Variants in USP38 observed in about 807,000 individuals in gnomAD.
USP38 encodes ubiquitin carboxyl-terminal hydrolase 38.
A neutral mutation model predicts 94.3 loss-of-function variants in USP38; 49 were observed. The observed-to-expected ratio is 0.52, with a 90% CI of 0.41 to 0.66. USP38 has a LOEUF of 0.66. Among genes scored for constraint, USP38 ranks in the 30% least tolerant of loss-of-function variants. The pLI is 0.00. For synonymous variants in USP38, 468 were observed against 463.6 expected (o/e 1.01, Z -0.12); for missense variants, 1,128 against 1,229.4 (o/e 0.92, Z 1.23).
chr4:143,202,845 G>A (rs528622526), intron 4 of USP38, among the ~76,000 whole-genome samples: 1 of 151,932 alleles, frequency 6.6e-6, no homozygotes, highest in Non-Finnish European at 1.5e-5. Flanking sequence ...GGATTTGTTA[G>A]TAAGAATAGC....
At position 143,220,334 on chromosome 4, in the gene USP38, G is replaced by GCAT; in HGVS notation, c.3009_3011dup (p.Ser1004dup). On this transcript the variant is annotated inframe_insertion, in exon 10 of 10. Coordinates refer to ENST00000307017, the MANE Select transcript of USP38 (RefSeq NM_032557.6). ...TGCTCGAGCCCGGGCCCTCCAAGCT[G>GCAT]CATCTGCTTCATGTTCATTTCGGCC... is the stretch of plus-strand genomic sequence containing the variant. 6.2e-7 allele frequency: 1 copy of GCAT among 1,613,090 alleles called. No individual in the cohort carries two copies.
chr4:143,201,013 C>G (rs1287510669), intron 4 of USP38, among the ~76,000 whole-genome samples: 1 of 152,022 alleles, frequency 6.6e-6, no homozygotes, highest in East Asian at 1.9e-4. Flanking sequence ...CTTCACAGAA[C>G]TAAAAAAACA....
intron 4 of USP38, among the ~76,000 whole-genome samples, chr4:143,199,420 A>G (rs1731645995): frequency 6.6e-6 from 1 of 152,086 alleles, no homozygotes; most frequent in African/African-American, 2.4e-5. Flanking sequence ...TTTCTTTGCT[A>G]TTGTGAATAA....
chr4:143,189,741 TTATGTA>T (rs1731341043), intron 2 of USP38, among the ~76,000 whole-genome samples: 1 of 152,050 alleles, frequency 6.6e-6, no homozygotes, highest in South Asian at 2.1e-4. Flanking sequence ...GAGAAAACTC[TTATGTA>T]AATGTTTTTC....
chr4:143,195,789 G>T lies in USP38; in HGVS notation c.892G>T (p.Ala298Ser). ...TWVIALLKGL[A>S]AVQKFTILID... ...GGTAATTGCACTCCTGAAAGGACTG[G>T]CAGCTGTCCAGAAGTTTACTATTTT... The change falls in exon 3 of 10, where the codon GCA (alanine) becomes TCA (serine). Residue 298 changes from alanine (A) to serine (S), a missense_variant. Coordinates refer to ENST00000307017, the MANE Select transcript of USP38 (RefSeq NM_032557.6). The T allele has an allele frequency of 6.2e-7, 1 of 1,613,696 alleles. No individual in the cohort carries two copies. The highest frequency in any genetic ancestry group is 8.5e-7 in the Non-Finnish European group (1 of 1,179,806).
chr4:143,202,496 A>G (rs374208490), intron 4 of USP38, among the ~76,000 whole-genome samples: 2 of 152,126 alleles, frequency 1.3e-5, no homozygotes, highest in Non-Finnish European at 2.9e-5. Flanking sequence ...ACCTTTTACC[A>G]TAAGAAGTGT....
At chr4:143,210,688 A>G (rs986349981) in intron 7 of USP38, among the ~76,000 whole-genome samples, 1 of 151,636 alleles carries the variant, frequency 6.6e-6, no homozygotes, top group African/African-American at 2.4e-5. Flanking sequence ...ATATATTATT[A>G]TTTTTCTGGT....
chr4:143,186,570 G>A (rs766379733), intron 1 of USP38, among the ~76,000 whole-genome samples: 12 of 151,930 alleles, frequency 7.9e-5, no homozygotes, highest in Non-Finnish European at 1.5e-4. Context: ...TTGAATTAAT[G>A]GATTGTGCAG....
At position 143,214,857 on chromosome 4, in the gene USP38, A is replaced by C; in HGVS notation, c.2881A>C (p.Thr961Pro). The C allele has an allele frequency of 6.2e-7, 1 of 1,613,658 alleles. No homozygotes were observed. Among genetic ancestry groups the C allele is most frequent in the Non-Finnish European group, 8.5e-7 (1 of 1,179,710 alleles). Residue 961 changes from threonine to proline, a missense_variant, in exon 9 of 10, where the codon ACC becomes CCC. Transcript: ENST00000307017. ...TAATGGTTTAAGTGGTAATAACCCA[A>C]CCAGTGGACTCTGGATAAATGGAGA... is the stretch of plus-strand genomic sequence containing the variant. ...STNGLSGNNP[T>P]SGLWINGDPP...
chr4:143,199,991 T>G (rs1469975341), intron 4 of USP38, among the ~76,000 whole-genome samples: 2 of 152,234 alleles, frequency 1.3e-5, no homozygotes, highest in African/African-American at 4.8e-5. Context: ...TAGATCCCGT[T>G]TGTCAATTTT....
chr4:143,188,315 A>G (rs1241668473), intron 2 of USP38, among the ~76,000 whole-genome samples: 1 of 151,746 alleles, frequency 6.6e-6, no homozygotes, highest in Non-Finnish European at 1.5e-5. Flanking sequence ...CTTAGTAAGT[A>G]TATACTTTAC....
In USP38 at chr4:143,205,139, T is replaced by G. The variant is rs117986662; in HGVS notation, c.1210-894T>G. On this transcript the variant is annotated intron_variant, in intron 5 of 9. Coordinates refer to ENST00000307017, the MANE Select transcript of USP38 (RefSeq NM_032557.6). ...GCACTTGTTAATTGATTGCCATTGTTTAGTTCATCAGAGTTTTTCATGTTG... is the reference window on the plus strand; with the variant it reads ...GCACTTGTTAATTGATTGCCATTGTGTAGTTCATCAGAGTTTTTCATGTTG... Among the ~76,000 whole-genome samples the G allele has an allele frequency of 2.1e-4, 32 of 152,354 alleles. No individual in the cohort carries two copies. The East Asian group carries it at 5.6e-3, about 27-fold the overall frequency.
In USP38 at chr4:143,203,468, A is replaced by T. The variant is rs1731773101; in HGVS notation, c.1111A>T (p.Thr371Ser). 9 of 1,613,238 alleles carry T rather than the reference A, an allele frequency of 5.6e-6. No homozygotes were observed. The highest frequency in any genetic ancestry group is 7.6e-6 in the Non-Finnish European group (9 of 1,179,588). Residue 371 changes from threonine (T) to serine (S), a missense_variant, in exon 5 of 10, where the codon ACA (threonine) becomes TCA (serine). Thr to Ser is a moderately conservative substitution (Grantham distance 58, BLOSUM62 1). Transcript: ENST00000307017. ...CAAAAATGATGGTCTGCCTTCAAGT[A>T]CAGCCTTCTTAGTACAATTAACAGA... ...SFKNDGLPSS[T>S]AFLVQLTELI... is the part of the protein sequence containing the mutation.
At chr4:143,208,146 C>G (rs1015702506) in intron 6 of USP38, among the ~76,000 whole-genome samples, 1 of 151,932 alleles carries the variant, frequency 6.6e-6, no homozygotes, top group Non-Finnish European at 1.5e-5. Flanking sequence ...AATTTGTATT[C>G]GAAATATTCC....
intron 1 of USP38, 34 bp from the exon 2 acceptor site, chr4:143,187,792 C>T (rs200391587): frequency 8.9e-6 from 14 of 1,580,916 alleles, no homozygotes; most frequent in Non-Finnish European, 1.0e-5. Context: ...AACCTACTTG[C>T]CATGTTCCCT....
intron 9 of USP38, 40 bp from the exon 10 acceptor site, chr4:143,220,255 T>C: frequency 6.3e-7 from 1 of 1,576,550 alleles, no homozygotes; most frequent in Non-Finnish European, 8.6e-7. Flanking sequence ...ATCCATTGTA[T>C]TTAGCATTTT....
In USP38 at chr4:143,185,366, T is replaced by TCCGCCCCGGGGCTCTCCTGCC. The variant is rs1328578509; in HGVS notation, c.-82_-62dup. On this transcript the variant is annotated 5_prime_UTR_variant, in exon 1 of 10. Coordinates refer to ENST00000307017, the MANE Select transcript of USP38 (RefSeq NM_032557.6). ...GCTGCTGCGGCGCTCCAAGTTCATC[T>TCCGCCCCGGGGCTCTCCTGCC]CCGCCCCGGGGCTCTCCTGCCCCAC... 12 of 1,442,414 alleles carry TCCGCCCCGGGGCTCTCCTGCC rather than the reference T, an allele frequency of 8.3e-6. No homozygotes were observed. Among genetic ancestry groups the TCCGCCCCGGGGCTCTCCTGCC allele is most frequent in the Non-Finnish European group, 1.0e-5 (11 of 1,082,396 alleles). 89.4% of individuals were successfully genotyped at this position (1,442,414 alleles called of 1,614,324 possible).
rs1732308313 is a variant in USP38 at position 143,220,893 on chromosome 4, TTA to T, written c.*438_*439del. ...TACGTCTTGTGTAATTACCCCATTA[TTA>T]AATTCAAGTCCTTGAAAATCAACTA... On this transcript the variant is annotated 3_prime_UTR_variant, in exon 10 of 10. Transcript: ENST00000307017. 6.6e-6 allele frequency: 1 copy of T among 152,546 alleles called. No individual in the cohort carries two copies. 9.4% of individuals were successfully genotyped at this position (152,546 alleles called of 1,614,324 possible).
chr4:143,211,352 CT>C (rs2149611562), intron 7 of USP38, among the ~76,000 whole-genome samples: 1 of 152,046 alleles, frequency 6.6e-6, no homozygotes, highest in South Asian at 2.1e-4. Context: ...TTTTTAACCC[CT>C]GGTCTAAATC....
Sources: gnomAD v4.1 joint callset for allele counts (sites outside exome capture counted in the v4.1 genomes callset) on GRCh38, gnomAD v4.1.1 for gene constraint, MANE v1.5 for transcripts, NCBI Gene and HGNC (gene_info 2026-07-23, HGNC 2026-07-21) for gene names.